The following SLC39A11 variants were observed in gnomAD, a reference collection of about 807,000 sequenced individuals.
SLC39A11 encodes zinc transporter ZIP11.
Under a neutral mutation model 36.1 loss-of-function variants are expected in SLC39A11, and 33 were observed. The ratio of observed to expected loss-of-function variants is 0.91; its 90% CI spans 0.69 to 1.22. SLC39A11 has a LOEUF of 1.22. Ranked by LOEUF, SLC39A11 falls within the 50% of genes most tolerant of loss-of-function variation. The pLI is 0.00. For synonymous variants in SLC39A11, 166 were observed against 170.3 expected (o/e 0.97, Z 0.20); for missense variants, 432 against 430.3 (o/e 1.00, Z -0.03).
In SLC39A11 at chr17:72,755,553, T is replaced by C. The variant is rs892431098; in HGVS notation, c.602-18834A>G. On this transcript the variant is annotated intron_variant, in intron 6 of 9. Transcript: ENST00000255559. ...CAAGGGTGCAGGCAAGATAATCTCA[T>C]AAATCACTGCAAAACACTTGGTAAA... 2.6e-5 allele frequency among the ~76,000 whole-genome samples: 4 copies of C among 152,256 alleles called. No homozygotes were observed. In the East Asian group the frequency reaches 7.7e-4, roughly 29 times the overall value.
intron 3 of SLC39A11, among the ~76,000 whole-genome samples, chr17:73,041,404 G>C (rs533209753): frequency 6.6e-6 from 1 of 152,348 alleles, no homozygotes; most frequent in East Asian, 1.9e-4. Flanking sequence ...AATAGCCAGG[G>C]AGCCTTTGAC....
rs1446319143 is a variant in SLC39A11, at chr17:72,947,990, T to C, written c.307-115A>G. On this transcript the variant is annotated intron_variant, in intron 4 of 9. Coordinates refer to ENST00000255559, the MANE Select transcript of SLC39A11 (RefSeq NM_139177.4). ...CAGTCTCTACCAAGACCGCCACAGCTGAGCCAGTCCTCCGGCCAACCCAGT... is the reference window on the plus strand; with the variant it reads ...CAGTCTCTACCAAGACCGCCACAGCCGAGCCAGTCCTCCGGCCAACCCAGT... 2.9e-6 allele frequency: 4 copies of C among 1,369,578 alleles called. No homozygotes were observed. In the East Asian group the frequency reaches 6.9e-5, roughly 24 times the overall value. 84.8% of individuals were successfully genotyped at this position (1,369,578 alleles called of 1,614,324 possible).
At chr17:72,777,514 C>T (rs909689310) in intron 6 of SLC39A11, among the ~76,000 whole-genome samples, 1 of 152,130 alleles carries the variant, frequency 6.6e-6, no homozygotes, top group Non-Finnish European at 1.5e-5. Context: ...AACCGAAACC[C>T]AGAGACATAC....
chr17:72,711,147 G>A (rs1451097773), intron 7 of SLC39A11, among the ~76,000 whole-genome samples: 1 of 152,144 alleles, frequency 6.6e-6, no homozygotes, highest in Non-Finnish European at 1.5e-5. Context: ...TCAGGACTCA[G>A]CCTGGTTGCC....
rs2074137382 is a variant in SLC39A11 at position 72,729,682 on chromosome 17, AC to A, written c.671+6967del. 2.0e-5 allele frequency among the ~76,000 whole-genome samples: 3 copies of A among 150,198 alleles called. No homozygotes were observed. In the South Asian group the frequency reaches 6.4e-4, roughly 32 times the overall value. ...CGGTTTGTCCACCAGCCCTGAAAAA[AC>A]CTTGGCACCTACCTTGGCATTTGCT... is the stretch of plus-strand genomic sequence containing the variant. On this transcript the variant is annotated intron_variant, in intron 7 of 9. Coordinates refer to ENST00000255559, the MANE Select transcript of SLC39A11 (RefSeq NM_139177.4).
chr17:72,955,212 C>T (rs1402802094), intron 4 of SLC39A11, among the ~76,000 whole-genome samples: 3 of 151,366 alleles, frequency 2.0e-5, no homozygotes, highest in African/African-American at 7.3e-5. Context: ...GGAAGCCTTC[C>T]TAGATGTACT....
At chr17:73,089,532 G>A (rs558525665) in intron 1 of SLC39A11, among the ~76,000 whole-genome samples, 1 of 152,260 alleles carries the variant, frequency 6.6e-6, no homozygotes, top group East Asian at 1.9e-4. Flanking sequence ...GGCTTTTCTG[G>A]CCTTCCCCAG....
chr17:72,833,066 C>A (rs1220455080), intron 6 of SLC39A11, among the ~76,000 whole-genome samples: 1 of 152,200 alleles, frequency 6.6e-6, no homozygotes, highest in Non-Finnish European at 1.5e-5. Context: ...CCTTGTCAAT[C>A]AAGACCTTAA....
intron 6 of SLC39A11, chr17:72,838,056 G>A (rs1163249265): frequency 2.2e-5 from 25 of 1,147,360 alleles, no homozygotes; most frequent in Non-Finnish European, 2.4e-5. Context: ...GGCTGAAGCA[G>A]GAGGTTCTCT....
At chr17:72,782,373 T>C (rs2076347128) in intron 6 of SLC39A11, among the ~76,000 whole-genome samples, 1 of 152,078 alleles carries the variant, frequency 6.6e-6, no homozygotes, top group African/African-American at 2.4e-5. Flanking sequence ...AGACAATGCA[T>C]CTCTGTTGTT....
At chr17:72,873,873 G>A (rs192127988) in intron 5 of SLC39A11, among the ~76,000 whole-genome samples, 2 of 152,228 alleles carry the variant, frequency 1.3e-5, no homozygotes, top group East Asian at 3.9e-4. Flanking sequence ...CTGAATCATG[G>A]GGGCAGTTTC....
At chr17:72,884,890 G>A (rs2081373180) in intron 5 of SLC39A11, among the ~76,000 whole-genome samples, 1 of 152,150 alleles carries the variant, frequency 6.6e-6, no homozygotes, top group Non-Finnish European at 1.5e-5. Flanking sequence ...AAAGAAAAAT[G>A]CATAACGAGA....
At chr17:72,850,989 G>A (rs1055525083) in intron 5 of SLC39A11, among the ~76,000 whole-genome samples, 1 of 152,052 alleles carries the variant, frequency 6.6e-6, no homozygotes, top group South Asian at 2.1e-4. Flanking sequence ...GAAAAATCAC[G>A]TGATGCGCGA....
chr17:72,818,698 G>A (rs2077664821), intron 6 of SLC39A11: 2 of 152,060 alleles, frequency 1.3e-5, no homozygotes, highest in African/African-American at 4.8e-5. Context: ...GAGATCCTTT[G>A]ATTTAGTGAC....
intron 7 of SLC39A11, among the ~76,000 whole-genome samples, chr17:72,681,620 C>G (rs759378926): frequency 4.6e-5 from 7 of 152,186 alleles, no homozygotes; most frequent in African/African-American, 9.7e-5. Flanking sequence ...CATTCTGAAA[C>G]AACGAGGGGT....
At chr17:72,662,365 AGGG>A in intron 7 of SLC39A11, among the ~76,000 whole-genome samples, 1 of 150,968 alleles carries the variant, frequency 6.6e-6, no homozygotes, top group Non-Finnish European at 1.5e-5. Context: ...AAGAAAAGGA[AGGG>A]AAGGAAAAGA....
At chr17:72,958,917 G>A (rs1338035608) in intron 4 of SLC39A11, among the ~76,000 whole-genome samples, 1 of 149,772 alleles carries the variant, frequency 6.7e-6, no homozygotes, top group Non-Finnish European at 1.5e-5. Context: ...ACGAAAAAAT[G>A]CTCAACATCA....
chr17:72,942,081 G>C (rs531111478), intron 5 of SLC39A11, among the ~76,000 whole-genome samples: 14 of 150,314 alleles, frequency 9.3e-5, no homozygotes, highest in African/African-American at 3.4e-4. Context: ...TTTTAGTAGA[G>C]ACAGGGGTTT....
intron 6 of SLC39A11, among the ~76,000 whole-genome samples, chr17:72,783,762 G>A (rs937749528): frequency 2.6e-5 from 4 of 152,178 alleles, no homozygotes; most frequent in Admixed American, 1.3e-4. Context: ...GTGAGGGAAC[G>A]GGAATAGTCA....
Sources: gnomAD v4.1 joint callset for allele counts (sites outside exome capture counted in the v4.1 genomes callset) on GRCh38, gnomAD v4.1.1 for gene constraint, MANE v1.5 for transcripts, NCBI Gene and HGNC (gene_info 2026-07-23, HGNC 2026-07-21) for gene names.